The following ZC2HC1A variants were observed in gnomAD, a reference collection of about 807,000 sequenced individuals.
ZC2HC1A encodes zinc finger C2HC domain-containing protein 1A.
In ZC2HC1A, 28 loss-of-function variants were observed where a neutral mutation model predicts 40.7. The observed-to-expected ratio is 0.69, with a 90% CI of 0.51 to 0.94. The LOEUF is 0.94. Ranked by LOEUF, ZC2HC1A falls within the 40% of genes least tolerant of loss-of-function variation. The pLI, the probability that ZC2HC1A is intolerant of heterozygous loss-of-function variation, is 0.00. For missense variants in ZC2HC1A, 389 were observed against 386.3 expected (o/e 1.01, Z -0.06); for synonymous variants, 129 against 129.2 (o/e 1.00, Z 0.01).
intron 4 of ZC2HC1A, 136 bp downstream of exon 4, chr8:78,686,744 ATGG>A (rs769705107): frequency 2.2e-6 from 2 of 905,844 alleles, no homozygotes; most frequent in Non-Finnish European, 3.0e-6. Context: ...TTGGTGTAAA[ATGG>A]TGGTGGTAAT....
At chr8:78,680,421 A>C (rs958811193) in intron 3 of ZC2HC1A, among the ~76,000 whole-genome samples, 13 of 152,110 alleles carry the variant, frequency 8.5e-5, no homozygotes, top group African/African-American at 3.1e-4. Context: ...CTTGTTAGAC[A>C]TACAGAATCT....
rs1408451506 is a variant in ZC2HC1A, at chr8:78,718,982, CTT to C, written c.*1490_*1491del. ...GTTTAGTTTGGGCAGGAGTTACAAA[CTT>C]AATAGGAATTGTCATTTTACTTACA... On this transcript the variant is annotated 3_prime_UTR_variant, in exon 9 of 9. Coordinates refer to ENST00000263849, the MANE Select transcript of ZC2HC1A (RefSeq NM_016010.3). 1.3e-5 allele frequency: 2 copies of C among 151,532 alleles called. No homozygotes were observed. The highest frequency in any genetic ancestry group is 1.3e-4 in the Admixed American group (2 of 15,216). 9.4% of individuals were successfully genotyped at this position (151,532 alleles called of 1,614,324 possible).
intron 7 of ZC2HC1A, among the ~76,000 whole-genome samples, chr8:78,708,528 AC>A (rs1810852284): frequency 6.6e-6 from 1 of 151,850 alleles, no homozygotes; most frequent in Non-Finnish European, 1.5e-5. Context: ...AAAAACAAAA[AC>A]AAAAACAACC....
At chr8:78,672,377 A>G (rs1809458833) in intron 1 of ZC2HC1A, among the ~76,000 whole-genome samples, 1 of 152,176 alleles carries the variant, frequency 6.6e-6, no homozygotes, top group South Asian at 2.1e-4. Flanking sequence ...TATAAGTATC[A>G]TATGTATAAA....
At position 78,686,607 on chromosome 8, in the gene ZC2HC1A, T is replaced by C; in HGVS notation, c.351T>C (p.Pro117=). 6.7e-7 allele frequency: 1 copy of C among 1,489,204 alleles called. No individual in the cohort carries two copies. The highest frequency in any genetic ancestry group is 8.9e-7 in the Non-Finnish European group (1 of 1,121,430). The allele number at this position is 1,489,204 out of a possible 1,614,324, so 92.2% of individuals were successfully genotyped here. ...LPPPPPPSYD[P]DYIQCPYCQR... ...CTCCTCCTCCACCTTCTTATGATCC[T>C]GGTATTTGGAATATTGTTGACAGAA... Residue 117 remains proline (P), a splice_region_variant and synonymous_variant, in exon 4 of 9, where the codon CCT becomes CCC. Transcript: ENST00000263849.
intron 1 of ZC2HC1A, among the ~76,000 whole-genome samples, chr8:78,666,909 A>C (rs1809315997): frequency 1.3e-5 from 2 of 152,220 alleles, no homozygotes. Flanking sequence ...GTGTAATGAA[A>C]GCATTCACCT....
At chr8:78,710,725 A>G (rs1311689117) in intron 7 of ZC2HC1A, among the ~76,000 whole-genome samples, 2 of 152,076 alleles carry the variant, frequency 1.3e-5, no homozygotes, top group East Asian at 3.8e-4. Flanking sequence ...GTTTCTTTGT[A>G]CTTTAACAAA....
Position 78,718,550 on chromosome 8 carries a change from C to G in ZC2HC1A, c.*1057C>G, listed in dbSNP as rs1285595864. On this transcript the variant is annotated 3_prime_UTR_variant, in exon 9 of 9. Coordinates refer to ENST00000263849, the MANE Select transcript of ZC2HC1A (RefSeq NM_016010.3). ...AGTTATGAGTAGGTTAAGAGAATAT[C>G]TAATTTTCCTACTCTTTTTTTCATC... The G allele has an allele frequency of 4.0e-5, 6 of 151,804 alleles. No homozygotes were observed. The highest frequency in any genetic ancestry group is 3.3e-4 in the Admixed American group (5 of 15,266). The allele number at this position is 151,804 out of a possible 1,614,324, so 9.4% of individuals were successfully genotyped here.
intron 4 of ZC2HC1A, among the ~76,000 whole-genome samples, chr8:78,687,988 T>C (rs1022745865): frequency 3.4e-5 from 5 of 145,802 alleles, no homozygotes; most frequent in Non-Finnish European, 6.0e-5. Context: ...ATAAATTATA[T>C]ATATATAAAT....
intron 7 of ZC2HC1A, among the ~76,000 whole-genome samples, chr8:78,708,744 G>A (rs1356900321): frequency 1.3e-5 from 2 of 149,190 alleles, no homozygotes; most frequent in Non-Finnish European, 3.0e-5. Context: ...GCAATGGTGC[G>A]ATCTTGGCTC....
chr8:78,697,376 G>T, intron 5 of ZC2HC1A, 31 bp from the exon 6 acceptor site: 1 of 1,515,166 alleles, frequency 6.6e-7, no homozygotes. Context: ...AAAAAGTGAT[G>T]TTGATTAATA....
chr8:78,683,976 A>C (rs1809871786), intron 3 of ZC2HC1A, among the ~76,000 whole-genome samples: 2 of 152,150 alleles, frequency 1.3e-5, no homozygotes, highest in Non-Finnish European at 2.9e-5. Flanking sequence ...TCCATCTGAG[A>C]CCACCTTAGC....
chr8:78,671,456 T>C (rs1746514784), intron 1 of ZC2HC1A, among the ~76,000 whole-genome samples: 1 of 152,220 alleles, frequency 6.6e-6, no homozygotes, highest in South Asian at 2.1e-4. Flanking sequence ...ATATCATCTT[T>C]CTCTTGTATT....
At chr8:78,685,592 C>G (rs1809943458) in intron 3 of ZC2HC1A, among the ~76,000 whole-genome samples, 1 of 152,082 alleles carries the variant, frequency 6.6e-6, no homozygotes, top group African/African-American at 2.4e-5. Context: ...AATAACTCAA[C>G]AAATAAGTTG....
At chr8:78,705,302 T>A (rs1250677066) in intron 7 of ZC2HC1A, among the ~76,000 whole-genome samples, 1 of 152,214 alleles carries the variant, frequency 6.6e-6, no homozygotes, top group Admixed American at 6.5e-5. Flanking sequence ...GGGTTTGTTT[T>A]TTTGAACAAC....
At chr8:78,684,735 A>G (rs995322917) in intron 3 of ZC2HC1A, among the ~76,000 whole-genome samples, 5 of 152,252 alleles carry the variant, frequency 3.3e-5, no homozygotes, top group African/African-American at 1.2e-4. Flanking sequence ...AGACATAGCA[A>G]TGAGGAAAGG....
chr8:78,669,993 G>T (rs1809399074), intron 1 of ZC2HC1A, among the ~76,000 whole-genome samples: 1 of 131,884 alleles, frequency 7.6e-6, no homozygotes, highest in Non-Finnish European at 1.6e-5. Flanking sequence ...TTGATACGGA[G>T]TTTCGCTTTT....
chr8:78,686,425 CTGTT>C (rs747014742), intron 3 of ZC2HC1A, 38 bp from the exon 4 acceptor site: 8 of 1,162,216 alleles, frequency 6.9e-6, no homozygotes, highest in Non-Finnish European at 8.8e-6. Flanking sequence ...TAAAAAGATA[CTGTT>C]TGTTTATTTA....
At chr8:78,698,895 G>C (rs984476874) in intron 7 of ZC2HC1A, among the ~76,000 whole-genome samples, 7 of 152,110 alleles carry the variant, frequency 4.6e-5, no homozygotes, top group African/African-American at 1.7e-4. Context: ...CAAGAGAAAA[G>C]AAGATCAGAG....
Sources: gnomAD v4.1 joint callset for allele counts (sites outside exome capture counted in the v4.1 genomes callset) on GRCh38, gnomAD v4.1.1 for gene constraint, MANE v1.5 for transcripts, NCBI Gene and HGNC (gene_info 2026-07-23, HGNC 2026-07-21) for gene names.